TRPM3: variants seen among roughly 807,000 people sequenced by gnomAD.
The protein encoded by TRPM3 is transient receptor potential cation channel subfamily M member 3, also known as long transient receptor potential channel 3.
TRPM3 carries 77 observed loss-of-function variants against 181.2 expected under a neutral mutation model. The ratio of observed to expected loss-of-function variants is 0.42; its 90% CI spans 0.35 to 0.51. TRPM3 has a LOEUF of 0.51. TRPM3 is among the 20% of genes least tolerant of loss of function. TRPM3 has a pLI of 0.01. For synonymous variants in TRPM3, 745 were observed against 796.4 expected (o/e 0.94, Z 1.09); for missense variants, 1,759 against 2,196.7 (o/e 0.80, Z 3.98).
intron 7 of TRPM3, among the ~76,000 whole-genome samples, chr9:70,769,778 T>C (rs1174245209): frequency 6.9e-6 from 1 of 145,856 alleles, no homozygotes; most frequent in African/African-American, 2.4e-5. Context: ...TAGTAGATGA[T>C]GAACTTTTTG....
At chr9:70,797,968 T>G in intron 6 of TRPM3, among the ~76,000 whole-genome samples, 1 of 152,228 alleles carries the variant, frequency 6.6e-6, no homozygotes, top group East Asian at 1.9e-4. Flanking sequence ...CTATAAGTAA[T>G]TTTCAGTCAT....
intron 1 of TRPM3, among the ~76,000 whole-genome samples, chr9:71,440,607 C>T (rs148679099): frequency 1.3e-4 from 20 of 152,340 alleles, no homozygotes; most frequent in African/African-American, 3.8e-4. Flanking sequence ...CTCCAATGTA[C>T]TCTGACTATA....
chr9:71,273,757 G>A (rs2083980796), intron 1 of TRPM3, among the ~76,000 whole-genome samples: 2 of 152,100 alleles, frequency 1.3e-5, no homozygotes, highest in African/African-American at 4.8e-5. Flanking sequence ...TTTAATGTTT[G>A]CTCCTGGGGC....
chr9:70,784,427 C>G, intron 6 of TRPM3, 148 bp from the exon 7 acceptor site: 1 of 861,772 alleles, frequency 1.2e-6, no homozygotes, highest in African/African-American at 1.7e-5. Context: ...TGGTACTGAG[C>G]AAAAATTTAC....
intron 1 of TRPM3, among the ~76,000 whole-genome samples, chr9:71,069,615 T>C (rs1243822326): frequency 7.4e-6 from 1 of 135,140 alleles, no homozygotes; most frequent in Non-Finnish European, 1.7e-5. Flanking sequence ...TTTCTTTTTT[T>C]TTTTTTTTTT....
intron 1 of TRPM3, among the ~76,000 whole-genome samples, chr9:70,925,691 G>C (rs2096714345): frequency 6.6e-6 from 1 of 151,894 alleles, no homozygotes; most frequent in African/African-American, 2.4e-5. Context: ...ATATGCTGGG[G>C]TATCAGCAGT....
chr9:71,008,908 G>A (rs1434406950), intron 1 of TRPM3, among the ~76,000 whole-genome samples: 1 of 152,192 alleles, frequency 6.6e-6, no homozygotes, highest in Non-Finnish European at 1.5e-5. Context: ...AAAGATGCAA[G>A]GATGGTTCAA....
At chr9:70,960,809 G>A (rs1108225) in intron 1 of TRPM3, among the ~76,000 whole-genome samples, 117,842 of 152,050 alleles carry the variant, frequency 0.78, 46,028 homozygotes, top group African/African-American at 0.84. Context: ...CCTCATCTCC[G>A]TGTTTCCCTG....
intron 7 of TRPM3, among the ~76,000 whole-genome samples, chr9:70,777,844 G>T (rs1443207095): frequency 1.3e-5 from 2 of 152,040 alleles, no homozygotes; most frequent in African/African-American, 4.8e-5. Flanking sequence ...TATATTATCA[G>T]TTCTATCTTT....
chr9:70,574,007 C>T (rs957759821), intron 22 of TRPM3, among the ~76,000 whole-genome samples: 1 of 148,792 alleles, frequency 6.7e-6, no homozygotes, highest in Non-Finnish European at 1.5e-5. Context: ...CACACACACA[C>T]ACACACTACC....
At position 70,563,748 on chromosome 9, in the gene TRPM3, AAG is replaced by A. The variant is rs112603268; in HGVS notation, c.3224-10440_3224-10439del. 2.2e-3 allele frequency among the ~76,000 whole-genome samples: 335 copies of A among 152,296 alleles called. 3 individuals are homozygous for A. Among genetic ancestry groups the A allele is most frequent in the African/African-American group, 7.8e-3 (326 of 41,562 alleles). On this transcript the variant is annotated intron_variant, in intron 22 of 25. Transcript: ENST00000677713. ...GAAATGGGAGAGAGAGCAAGAGAGA[AAG>A]AGAGAAATGATTGATTGATTATTGA...
intron 1 of TRPM3, among the ~76,000 whole-genome samples, chr9:71,268,135 C>T (rs1825047627): frequency 6.6e-6 from 1 of 152,124 alleles, no homozygotes; most frequent in Non-Finnish European, 1.5e-5. Flanking sequence ...AATCTCAGCA[C>T]TTTGGGAGAC....
At chr9:70,828,715 T>TTTTTTTGG (rs758707614) in intron 5 of TRPM3, among the ~76,000 whole-genome samples, 2 of 143,222 alleles carry the variant, frequency 1.4e-5, no homozygotes, top group East Asian at 3.9e-4. Flanking sequence ...TTTTTTTTTT[T>TTTTTTTGG]TATAAAAAGA....
chr9:70,983,471 C>A (rs186506417), intron 1 of TRPM3, among the ~76,000 whole-genome samples: 17 of 152,292 alleles, frequency 1.1e-4, no homozygotes, highest in African/African-American at 3.6e-4. Context: ...CCAGCATTTT[C>A]TCTCTCTTTA....
chr9:70,867,849 C>T (rs79959999), intron 1 of TRPM3, among the ~76,000 whole-genome samples: 2,082 of 152,070 alleles, frequency 0.014, 49 homozygotes, highest in African/African-American at 0.047. Flanking sequence ...GGCATTTTGA[C>T]GTTTAATACT....
chr9:71,001,324 ATAAC>A (rs1381666005), intron 1 of TRPM3, among the ~76,000 whole-genome samples: 2 of 152,196 alleles, frequency 1.3e-5, no homozygotes, highest in African/African-American at 4.8e-5. Flanking sequence ...AAACTCTGGG[ATAAC>A]TAACAAATAT....
Position 70,915,703 on chromosome 9 carries a change from GA to G in TRPM3, c.178-51193del, listed in dbSNP as rs142856428. On this transcript the variant is annotated intron_variant, in intron 1 of 25. Transcript: ENST00000677713. ...AAAATACATGTCAGATGAGAGAAAAGAAAAAAAAAACAATAAAGCAAGCCTA... is the reference window on the plus strand; with the variant it reads ...AAAATACATGTCAGATGAGAGAAAAGAAAAAAAAACAATAAAGCAAGCCTA... Among the ~76,000 whole-genome samples the G allele has an allele frequency of 4.6e-3, 637 of 137,170 alleles. 5 individuals are homozygous for G. Among genetic ancestry groups the G allele is most frequent in the Middle Eastern group, 0.011 (3 of 266 alleles). 90.0% of individuals were successfully genotyped at this position (137,170 alleles called of 152,430 possible).
chr9:70,800,956 A>G (rs1167063848), intron 6 of TRPM3, among the ~76,000 whole-genome samples: 3 of 152,194 alleles, frequency 2.0e-5, no homozygotes, highest in African/African-American at 7.2e-5. Flanking sequence ...TCACACAACT[A>G]GTAAGTGTCA....
intron 25 of TRPM3, among the ~76,000 whole-genome samples, chr9:70,538,303 C>CT (rs1334345914): frequency 6.6e-6 from 1 of 152,022 alleles, no homozygotes; most frequent in Non-Finnish European, 1.5e-5. Context: ...ATTAAATTAA[C>CT]TTTTTTAGAG....
Sources: gnomAD v4.1 joint callset for allele counts (sites outside exome capture counted in the v4.1 genomes callset) on GRCh38, gnomAD v4.1.1 for gene constraint, MANE v1.5 for transcripts, NCBI Gene and HGNC (gene_info 2026-07-23, HGNC 2026-07-21) for gene names.